Variants in DOCK8 observed in about 807,000 individuals in gnomAD.
The protein encoded by DOCK8 is dedicator of cytokinesis 8.
Under a neutral mutation model 245.6 loss-of-function variants are expected in DOCK8, and 141 were observed. That is an observed-to-expected ratio of 0.57 (90% confidence interval 0.50 to 0.66). The LOEUF (loss-of-function observed/expected upper bound fraction) is 0.66, where lower values mean the gene tolerates loss of function less well. Among genes scored for constraint, DOCK8 ranks in the 30% least tolerant of loss-of-function variants. The pLI is 0.00. For missense variants in DOCK8, 2,965 were observed against 2,603.4 expected (o/e 1.14, Z -3.02); for synonymous variants, 1,168 against 970.2 (o/e 1.20, Z -3.79).
At chr9:389,774 G>A (rs1456100314) in intron 23 of DOCK8, among the ~76,000 whole-genome samples, 1 of 152,146 alleles carries the variant, frequency 6.6e-6, no homozygotes, top group Non-Finnish European at 1.5e-5. Context: ...CCAGCACTTT[G>A]GGAGGCCAAG....
At chr9:244,688 A>G (rs139579964) in intron 1 of DOCK8, among the ~76,000 whole-genome samples, 3 of 152,328 alleles carry the variant, frequency 2.0e-5, no homozygotes, top group East Asian at 1.9e-4. Flanking sequence ...GGCCAAACCT[A>G]TTCAGGTCTG....
intron 46 of DOCK8, chr9:454,537 C>CTT (rs141346969): frequency 0.053 from 8,116 of 152,188 alleles, 287 homozygotes; most frequent in South Asian, 0.19. Flanking sequence ...CCACGAGACT[C>CTT]TGTCAGGAAT....
intron 14 of DOCK8, among the ~76,000 whole-genome samples, chr9:341,999 C>T (rs188173495): frequency 2.0e-4 from 30 of 152,200 alleles, no homozygotes; most frequent in Non-Finnish European, 4.0e-4. Flanking sequence ...TCAGATGGGA[C>T]CCTCTAATTG....
intron 18 of DOCK8, among the ~76,000 whole-genome samples, chr9:375,020 A>T (rs1429630983): frequency 1.3e-5 from 2 of 152,072 alleles, no homozygotes; most frequent in African/African-American, 4.8e-5. Flanking sequence ...TATAAGGCCA[A>T]TTTTTTCATT....
chr9:360,578 A>G (rs1375583186), intron 14 of DOCK8, among the ~76,000 whole-genome samples: 1 of 152,240 alleles, frequency 6.6e-6, no homozygotes, highest in African/African-American at 2.4e-5. Context: ...TGGCTAACTG[A>G]AAAATTTTGC....
intron 43 of DOCK8, among the ~76,000 whole-genome samples, chr9:446,067 G>A (rs1236902160): frequency 6.6e-6 from 1 of 152,238 alleles, no homozygotes; most frequent in Non-Finnish European, 1.5e-5. Context: ...CTTTGGAATA[G>A]CAGTTTGCAA....
chr9:392,613 A>T lies in DOCK8; in HGVS notation c.2970+2047A>T, dbSNP rs567113136. Among the ~76,000 whole-genome samples, 10 of 152,314 alleles carry T rather than the reference A, an allele frequency of 6.6e-5. No individual in the cohort carries two copies. The South Asian group carries it at 2.1e-3, about 32-fold the overall frequency. ...ACACCACCTCTGTTCTGTGAATCCT[A>T]TACAGAGCTACAGGTCTTTTGGAAT... On this transcript the variant is annotated intron_variant, in intron 24 of 47. Coordinates refer to ENST00000432829, the MANE Select transcript of DOCK8 (RefSeq NM_203447.4).
chr9:447,743 G>A (rs2057309298), intron 44 of DOCK8, among the ~76,000 whole-genome samples: 1 of 152,198 alleles, frequency 6.6e-6, no homozygotes, highest in Non-Finnish European at 1.5e-5. Flanking sequence ...CAGATGAATT[G>A]TGGTGAATAT....
chr9:369,624 TATGTA>T (rs2053187521), intron 15 of DOCK8: 2 of 154,514 alleles, frequency 1.3e-5, no homozygotes, highest in Non-Finnish European at 1.4e-5. Context: ...AAGACAAAAG[TATGTA>T]ACTTTGGCCT....
chr9:333,678 G>A (rs1461224044), intron 10 of DOCK8, among the ~76,000 whole-genome samples: 1 of 148,436 alleles, frequency 6.7e-6, no homozygotes, highest in Non-Finnish European at 1.5e-5. Flanking sequence ...TAAATGTCAA[G>A]TAAGATTTAT....
intron 46 of DOCK8, chr9:458,264 C>T (rs180968236): frequency 2.3e-4 from 35 of 152,226 alleles, no homozygotes; most frequent in African/African-American, 6.7e-4. Flanking sequence ...GCTAGGGCTC[C>T]AGCCATCATG....
intron 30 of DOCK8, among the ~76,000 whole-genome samples, chr9:418,685 AG>A (rs1479766310): frequency 6.6e-6 from 1 of 152,240 alleles, no homozygotes; most frequent in African/African-American, 2.4e-5. Context: ...CAAGTCAGAA[AG>A]GGTTCTGGCA....
At chr9:449,974 G>A in intron 45 of DOCK8, 47 bp downstream of exon 45, 7 of 1,607,458 alleles carry the variant, frequency 4.4e-6, no homozygotes, top group Non-Finnish European at 5.9e-6. Flanking sequence ...TATTATTTAG[G>A]TTGTCATTAT....
rs146951497 is a variant in DOCK8 at position 388,035 on chromosome 9, C to T, written c.2874+1609C>T. On this transcript the variant is annotated intron_variant, in intron 23 of 47. Coordinates refer to ENST00000432829, the MANE Select transcript of DOCK8 (RefSeq NM_203447.4). ...GCAAGGTGTTCTTGTAATAATGCTG[C>T]CCAGAAAGCAGCATGAATTACTTTA... Among the ~76,000 whole-genome samples, 267 of 152,192 alleles carry T rather than the reference C, an allele frequency of 1.8e-3. 4 individuals are homozygous for T. Among genetic ancestry groups the T allele is most frequent in the African/African-American group, 6.3e-3 (260 of 41,500 alleles).
Position 281,029 on chromosome 9 carries a change from A to G in DOCK8, c.157-5432A>G, listed in dbSNP as rs13284845. The G allele has an allele frequency of 0.24, 36,810 of 152,176 alleles. 4,962 individuals are homozygous for G. Among genetic ancestry groups the G allele is most frequent in the African/African-American group, 0.35 (14,704 of 41,466 alleles). The allele number at this position is 152,176 out of a possible 1,614,324, so 9.4% of individuals were successfully genotyped here. ...AATACTTTGGGAGGCCGAGGTGAGTAGATCACTTGAGGCCAGGAGTTTGAG... is the reference window on the plus strand; with the variant it reads ...AATACTTTGGGAGGCCGAGGTGAGTGGATCACTTGAGGCCAGGAGTTTGAG... On this transcript the variant is annotated intron_variant, in intron 2 of 47. Coordinates refer to ENST00000432829, the MANE Select transcript of DOCK8 (RefSeq NM_203447.4).
At chr9:301,094 CA>C (rs1417291453) in intron 4 of DOCK8, among the ~76,000 whole-genome samples, 2 of 152,148 alleles carry the variant, frequency 1.3e-5, no homozygotes, top group African/African-American at 2.4e-5. Flanking sequence ...AAATCCTCAA[CA>C]AAATACTACA....
At chr9:305,835 C>T (rs962489596) in intron 5 of DOCK8, among the ~76,000 whole-genome samples, 10 of 147,910 alleles carry the variant, frequency 6.8e-5, no homozygotes, top group African/African-American at 2.4e-4. Flanking sequence ...CACCTATGCT[C>T]ACAGCAGCAT....
rs1035026043 is a variant in DOCK8, at chr9:273,031, C to T, written c.156+1302C>T. On this transcript the variant is annotated intron_variant, in intron 2 of 47. Coordinates refer to ENST00000432829, the MANE Select transcript of DOCK8 (RefSeq NM_203447.4). ...CTTAGAAATTTTGTAACCTTCCGCT[C>T]AGTTTCCGGTAACCGCCATTTTGTC... 7.6e-5 allele frequency: 75 copies of T among 985,168 alleles called. 1 individual carries two copies. Among genetic ancestry groups the T allele is most frequent in the Admixed American group, 2.5e-4 (4 of 16,260 alleles). 61.0% of individuals were successfully genotyped at this position (985,168 alleles called of 1,614,324 possible). A position where few individuals can be genotyped will look rare whatever the true frequency, so the allele number is the denominator to read the frequency against.
chr9:242,573 A>G (rs1320746994), intron 1 of DOCK8, among the ~76,000 whole-genome samples: 2 of 152,342 alleles, frequency 1.3e-5, no homozygotes, highest in Non-Finnish European at 2.9e-5. Context: ...TAATAGCCCA[A>G]AAAGTTAAGA....
Sources: allele counts gnomAD v4.1 joint callset (sites outside exome capture counted in the v4.1 genomes callset), GRCh38; gene constraint gnomAD v4.1.1; transcripts MANE v1.5; gene names NCBI Gene and HGNC (gene_info 2026-07-23, HGNC 2026-07-21).